The following AKAP13 variants were observed in gnomAD, a reference collection of about 807,000 sequenced individuals.
AKAP13 encodes A-kinase anchoring protein 13, also known as A-kinase anchor protein 13.
AKAP13 carries 80 observed loss-of-function variants against 264.5 expected under a neutral mutation model. The observed-to-expected ratio is 0.30, with a 90% CI of 0.25 to 0.36. The LOEUF (loss-of-function observed/expected upper bound fraction) is 0.36, where lower values mean the gene tolerates loss of function less well. AKAP13 is among the 10% of genes least tolerant of loss of function. The probability of loss-of-function intolerance (pLI) is 1.00; values close to 1 mark genes in which losing one functional copy is unlikely to be tolerated. For missense variants in AKAP13, 3,712 were observed against 3,435.2 expected (o/e 1.08, Z -2.01); for synonymous variants, 1,380 against 1,250.2 (o/e 1.10, Z -2.19).
At chr15:85,446,000 T>C (rs1163337515) in intron 1 of AKAP13, among the ~76,000 whole-genome samples, 1 of 152,204 alleles carries the variant, frequency 6.6e-6, no homozygotes, top group Non-Finnish European at 1.5e-5. Context: ...TTTAAAAATA[T>C]ACACTTTTTT....
intron 1 of AKAP13, among the ~76,000 whole-genome samples, chr15:85,453,373 C>T (rs2074161592): frequency 6.6e-6 from 1 of 152,098 alleles, no homozygotes; most frequent in Non-Finnish European, 1.5e-5. Context: ...GCCACTTTTC[C>T]CTAGGGCTGC....
rs900113409 is a variant in AKAP13 at position 85,434,441 on chromosome 15, G to C, written c.-11-51269G>C. 5.8e-4 allele frequency among the ~76,000 whole-genome samples: 89 copies of C among 152,328 alleles called. 1 individual carries two copies. Among genetic ancestry groups the C allele is most frequent in the African/African-American group, 2.1e-3 (86 of 41,572 alleles). ...GCTTGATTAGGTAAACAAAGCAGCCGGGAAGCTCGAACTGGGTGGAGCCCA... is the reference window on the plus strand; with the variant it reads ...GCTTGATTAGGTAAACAAAGCAGCCCGGAAGCTCGAACTGGGTGGAGCCCA... On this transcript the variant is annotated intron_variant, in intron 1 of 36. Coordinates refer to ENST00000394518, the MANE Select transcript of AKAP13 (RefSeq NM_007200.5).
chr15:85,467,313 A>C (rs1017431293), intron 1 of AKAP13, among the ~76,000 whole-genome samples: 5 of 151,954 alleles, frequency 3.3e-5, no homozygotes, highest in Admixed American at 6.6e-5. Flanking sequence ...TAAATGTTTG[A>C]GTGATTGTGA....
intron 3 of AKAP13, among the ~76,000 whole-genome samples, chr15:85,532,473 G>A (rs995020236): frequency 2.0e-5 from 3 of 152,310 alleles, no homozygotes; most frequent in Non-Finnish European, 2.9e-5. Context: ...GAAGTGGCAC[G>A]TGCATGGGTG....
intron 17 of AKAP13, among the ~76,000 whole-genome samples, chr15:85,703,851 A>ATATAT (rs1376902995): frequency 2.2e-4 from 27 of 122,530 alleles, no homozygotes; most frequent in Middle Eastern, 4.0e-3. Flanking sequence ...TCAAAAAAAA[A>ATATAT]AAATATATAT....
At position 85,747,086 on chromosome 15, in the gene AKAP13, G is replaced by A. The variant is rs958674244; in HGVS notation, c.*2409G>A. On this transcript the variant is annotated 3_prime_UTR_variant, in exon 37 of 37. Coordinates refer to ENST00000394518, the MANE Select transcript of AKAP13 (RefSeq NM_007200.5). ...CATCTGCCCAGACCCCACTCAAAAC[G>A]ATTTGGTCAGGTTCTGGTTGGACAA... The A allele has an allele frequency of 2.0e-5, 3 of 152,136 alleles. No individual in the cohort carries two copies. Among genetic ancestry groups the A allele is most frequent in the Non-Finnish European group, 2.9e-5 (2 of 68,034 alleles). 9.4% of individuals were successfully genotyped at this position (152,136 alleles called of 1,614,324 possible).
At chr15:85,437,261 C>A (rs2073355194) in intron 1 of AKAP13, among the ~76,000 whole-genome samples, 1 of 150,500 alleles carries the variant, frequency 6.6e-6, no homozygotes. Flanking sequence ...TCTCCCAAGA[C>A]TAAACCAGGA....
chr15:85,570,276 C>T (rs1222767526), intron 5 of AKAP13, among the ~76,000 whole-genome samples: 1 of 151,926 alleles, frequency 6.6e-6, no homozygotes, highest in African/African-American at 2.4e-5. Context: ...CATGGCAAAA[C>T]CCCATCTCTA....
chr15:85,588,136 A>G (rs934575403), intron 8 of AKAP13, among the ~76,000 whole-genome samples: 29 of 152,190 alleles, frequency 1.9e-4, no homozygotes, highest in Non-Finnish European at 4.1e-4. Flanking sequence ...TCAGAGGACT[A>G]AGTGGTATGT....
chr15:85,417,700 C>T (rs1490282488), intron 1 of AKAP13, among the ~76,000 whole-genome samples: 1 of 152,166 alleles, frequency 6.6e-6, no homozygotes, highest in African/African-American at 2.4e-5. Flanking sequence ...CCAACCATTA[C>T]GTTCTAAGTG....
chr15:85,435,100 A>G (rs1403269920), intron 1 of AKAP13, among the ~76,000 whole-genome samples: 4 of 118,668 alleles, frequency 3.4e-5, no homozygotes, highest in Admixed American at 2.6e-4. Context: ...GTATAACTAG[A>G]ATAACCAATA....
At chr15:85,578,472 C>T (rs918455294) in intron 6 of AKAP13, among the ~76,000 whole-genome samples, 12 of 152,226 alleles carry the variant, frequency 7.9e-5, no homozygotes, top group Admixed American at 6.5e-5. Context: ...CTCAGCCTCC[C>T]AAGTAGCTGA....
intron 5 of AKAP13, among the ~76,000 whole-genome samples, chr15:85,555,137 C>T (rs1035130383): frequency 6.6e-6 from 1 of 151,996 alleles, no homozygotes; most frequent in Non-Finnish European, 1.5e-5. Flanking sequence ...AGCCTAGCAG[C>T]GAGTTCCCTA....
intron 1 of AKAP13, among the ~76,000 whole-genome samples, chr15:85,434,119 G>C (rs757893922): frequency 6.6e-6 from 1 of 151,722 alleles, no homozygotes; most frequent in Non-Finnish European, 1.5e-5. Context: ...TGCGCGCACC[G>C]TGCGCGAGCC....
At chr15:85,616,875 C>T (rs2080957366) in intron 8 of AKAP13, among the ~76,000 whole-genome samples, 1 of 152,156 alleles carries the variant, frequency 6.6e-6, no homozygotes, top group Non-Finnish European at 1.5e-5. Context: ...TTTTTCCACC[C>T]AGAGCATTTG....
intron 1 of AKAP13, among the ~76,000 whole-genome samples, chr15:85,466,788 C>G (rs1025617756): frequency 2.0e-5 from 3 of 152,156 alleles, no homozygotes; most frequent in Admixed American, 6.5e-5. Flanking sequence ...AATTTTTGCT[C>G]AGTTGTTAAG....
chr15:85,717,212 T>C, intron 20 of AKAP13, 78 bp from the exon 21 acceptor site: 1 of 901,274 alleles, frequency 1.1e-6, no homozygotes, highest in Non-Finnish European at 1.7e-6. Context: ...TTCTAGAGTC[T>C]TCAGGTACTC....
At chr15:85,632,208 T>C (rs1270279062) in intron 8 of AKAP13, among the ~76,000 whole-genome samples, 1 of 152,324 alleles carries the variant, frequency 6.6e-6, no homozygotes, top group South Asian at 2.1e-4. Flanking sequence ...TATTACTCAT[T>C]GCATAGCCAG....
At chr15:85,410,206 A>T (rs1370368583) in intron 1 of AKAP13, among the ~76,000 whole-genome samples, 1 of 151,374 alleles carries the variant, frequency 6.6e-6, no homozygotes. Context: ...CATCATGACC[A>T]TGACTTCCCC....
Sources: gnomAD v4.1 joint callset for allele counts (sites outside exome capture counted in the v4.1 genomes callset) on GRCh38, gnomAD v4.1.1 for gene constraint, MANE v1.5 for transcripts, NCBI Gene and HGNC (gene_info 2026-07-23, HGNC 2026-07-21) for gene names.